MARCHF10: variants seen among roughly 807,000 people sequenced by gnomAD.
The protein encoded by MARCHF10 is membrane associated ring-CH-type finger 10, also known as probable E3 ubiquitin-protein ligase MARCHF10.
In MARCHF10, 64 loss-of-function variants were observed where a neutral mutation model predicts 76.2. The observed-to-expected ratio is 0.84, with a 90% CI of 0.69 to 1.03. The LOEUF is 1.03. Ranked by LOEUF, MARCHF10 falls within the 50% of genes least tolerant of loss-of-function variation. The pLI is 0.00. For synonymous variants in MARCHF10, 340 were observed against 357.5 expected (o/e 0.95, Z 0.55); for missense variants, 875 against 958.0 (o/e 0.91, Z 1.14).
chr17:62,755,639 G>A (rs376596861), intron 4 of MARCHF10, among the ~76,000 whole-genome samples: 2 of 152,310 alleles, frequency 1.3e-5, no homozygotes, highest in Admixed American at 6.5e-5. Context: ...CTGACTGCAC[G>A]TGAGACCCGG....
chr17:62,701,321 A>G lies in MARCHF10; in HGVS notation c.*382T>C. 1 of 237,438 alleles carries G rather than the reference A, an allele frequency of 4.2e-6. No individual in the cohort carries two copies. The highest frequency in any genetic ancestry group is 7.1e-5 in the South Asian group (1 of 14,040). 14.7% of individuals were successfully genotyped at this position (237,438 alleles called of 1,614,324 possible). On this transcript the variant is annotated 3_prime_UTR_variant, in exon 11 of 11. Transcript: ENST00000311269. ...AATAAACATGAACGAAGCTGGGAGA[A>G]TAATGTCAGTTTACTGAATGAATAC... is the stretch of plus-strand genomic sequence containing the variant.
chr17:62,729,176 C>G (rs1294058166), intron 6 of MARCHF10, among the ~76,000 whole-genome samples: 2 of 151,844 alleles, frequency 1.3e-5, no homozygotes, highest in Non-Finnish European at 2.9e-5. Context: ...TTCCTGAGCT[C>G]AAGGAATCTG....
intron 4 of MARCHF10, chr17:62,746,766 C>T (rs1906392649): frequency 2.4e-6 from 2 of 834,496 alleles, no homozygotes; most frequent in Non-Finnish European, 3.7e-6. Flanking sequence ...ACTTTGATTT[C>T]CAGCAGGAAT....
chr17:62,758,067 G>C (rs1476505231), intron 4 of MARCHF10, among the ~76,000 whole-genome samples: 2 of 152,088 alleles, frequency 1.3e-5, no homozygotes, highest in African/African-American at 4.8e-5. Context: ...TTAGCAAGAG[G>C]GCTAAAAATT....
chr17:62,761,582 C>T (rs1478245508), intron 3 of MARCHF10, among the ~76,000 whole-genome samples: 11 of 151,972 alleles, frequency 7.2e-5, no homozygotes, highest in African/African-American at 2.2e-4. Context: ...CCATCATACC[C>T]GGCTAATTTT....
In MARCHF10 at chr17:62,737,223, A is replaced by G; in HGVS notation, c.645T>C (p.Pro215=). The change falls in exon 6 of 11, where the codon CCT becomes CCC. Residue 215 remains proline (P), a synonymous_variant. Coordinates refer to ENST00000311269, the MANE Select transcript of MARCHF10 (RefSeq NM_152598.4). ...PSSQPMTENA[P]DRAKKGDPSA... Reference sequence around the variant, plus strand: ...TCGGGTCTCCTTTTTTGGCTCTATCAGGGGCGTTCTCAGTCATTGGCTGTG... The same window carrying G: ...TCGGGTCTCCTTTTTTGGCTCTATCGGGGGCGTTCTCAGTCATTGGCTGTG... 6.2e-7 allele frequency: 1 copy of G among 1,614,018 alleles called. No individual in the cohort carries two copies. Among genetic ancestry groups the G allele is most frequent in the Non-Finnish European group, 8.5e-7 (1 of 1,179,988 alleles).
intron 3 of MARCHF10, among the ~76,000 whole-genome samples, chr17:62,778,641 C>T (rs955491659): frequency 2.0e-5 from 3 of 148,252 alleles, no homozygotes; most frequent in Non-Finnish European, 4.4e-5. Flanking sequence ...GAGGATCACG[C>T]CACTGCACTC....
intron 4 of MARCHF10, chr17:62,746,927 G>A (rs1014894396): frequency 1.1e-5 from 17 of 1,536,156 alleles, no homozygotes; most frequent in Non-Finnish European, 1.3e-5. Context: ...CCAGCCAGAA[G>A]GTCCTCCGAG....
At position 62,710,463 on chromosome 17, in the gene MARCHF10, C is replaced by G. The variant is rs1234712365; in HGVS notation, c.2328+768G>C. On this transcript the variant is annotated intron_variant, in intron 9 of 10. Transcript: ENST00000311269. ...TCTTGGCAGAGCCCCAGCCTGTTGT[C>G]TTAATTGAGAGCTCAGGGTCTAAGG... is the stretch of plus-strand genomic sequence containing the variant. 5.6e-4 allele frequency among the ~76,000 whole-genome samples: 80 copies of G among 142,640 alleles called. No homozygotes were observed. In the Admixed American group the frequency reaches 5.7e-3, roughly 10 times the overall value. The allele number at this position is 142,640 out of a possible 152,430, so 93.6% of individuals were successfully genotyped here. A position where few individuals can be genotyped will look rare whatever the true frequency, so the allele number is the denominator to read the frequency against.
At chr17:62,800,023 T>A (rs2093046254) in intron 2 of MARCHF10, among the ~76,000 whole-genome samples, 2 of 152,206 alleles carry the variant, frequency 1.3e-5, no homozygotes, top group Admixed American at 6.5e-5. Context: ...CTCCAACCCC[T>A]TAACCTGTTT....
At chr17:62,739,891 C>A (rs773543080) in intron 5 of MARCHF10, among the ~76,000 whole-genome samples, 7 of 152,200 alleles carry the variant, frequency 4.6e-5, no homozygotes, top group Admixed American at 2.6e-4. Flanking sequence ...ATAGAGGCCA[C>A]TGAGTTGCCA....
intron 4 of MARCHF10, among the ~76,000 whole-genome samples, chr17:62,751,970 C>T (rs1230600056): frequency 6.6e-6 from 1 of 151,088 alleles, no homozygotes; most frequent in Admixed American, 6.6e-5. Flanking sequence ...CAGTGAGCCG[C>T]GATCGGGCTA....
intron 1 of MARCHF10, among the ~76,000 whole-genome samples, chr17:62,803,985 G>A (rs1050893638): frequency 1.3e-5 from 2 of 152,152 alleles, no homozygotes; most frequent in African/African-American, 4.8e-5. Context: ...CTAAAGTTAC[G>A]GAGCTAGTGA....
intron 3 of MARCHF10, 61 bp downstream of exon 3, chr17:62,788,419 A>AC (rs2092780579): frequency 1.0e-5 from 16 of 1,578,904 alleles, no homozygotes; most frequent in South Asian, 6.7e-5. Flanking sequence ...ACACACACAC[A>AC]CACCACCACC....
In MARCHF10 at chr17:62,722,468, A is replaced by G; in HGVS notation, c.2214+20T>C. On this transcript the variant is annotated intron_variant, in intron 8 of 10. Transcript: ENST00000311269. The stretch of plus-strand genomic sequence containing the variant: ...CTAACATACTTTAACCTGTGGAGGC[A>G]GAGTGGCCACATTTCTTACCTGAGA... The G allele has an allele frequency of 6.4e-7, 1 of 1,562,328 alleles. No homozygotes were observed. Among genetic ancestry groups the G allele is most frequent in the Non-Finnish European group, 8.8e-7 (1 of 1,136,508 alleles).
intron 1 of MARCHF10, among the ~76,000 whole-genome samples, chr17:62,803,524 T>C (rs1194256201): frequency 6.6e-6 from 1 of 151,676 alleles, no homozygotes; most frequent in Non-Finnish European, 1.5e-5. Flanking sequence ...AGCTACTCTT[T>C]TTTATTTTTT....
At chr17:62,731,104 C>T (rs544077850) in intron 6 of MARCHF10, among the ~76,000 whole-genome samples, 1 of 152,208 alleles carries the variant, frequency 6.6e-6, no homozygotes, top group South Asian at 2.1e-4. Context: ...ATTGGAGTTT[C>T]TAAGCATGGC....
chr17:62,752,911 A>G (rs2091937437), intron 4 of MARCHF10, among the ~76,000 whole-genome samples: 1 of 152,098 alleles, frequency 6.6e-6, no homozygotes, highest in Non-Finnish European at 1.5e-5. Flanking sequence ...CTGCAGTCAG[A>G]GTCAGCTTTT....
At chr17:62,807,253 T>C (rs2093176766) in intron 1 of MARCHF10, among the ~76,000 whole-genome samples, 1 of 152,090 alleles carries the variant, frequency 6.6e-6, no homozygotes. Context: ...GCAACAAAGT[T>C]TACGATTTGG....
Sources: allele counts gnomAD v4.1 joint callset (sites outside exome capture counted in the v4.1 genomes callset), GRCh38; gene constraint gnomAD v4.1.1; transcripts MANE v1.5; gene names NCBI Gene and HGNC (gene_info 2026-07-23, HGNC 2026-07-21).